The following CYLD variants were observed in gnomAD, a reference collection of about 807,000 sequenced individuals.
The protein encoded by CYLD is ubiquitin carboxyl-terminal hydrolase CYLD.
A neutral mutation model predicts 104.5 loss-of-function variants in CYLD; 26 were observed. The observed-to-expected ratio is 0.25, with a 90% CI of 0.18 to 0.35. The LOEUF (loss-of-function observed/expected upper bound fraction) is 0.35. Among genes scored for constraint, CYLD ranks in the 10% least tolerant of loss-of-function variants. The probability of loss-of-function intolerance (pLI) is 1.00; values close to 1 mark genes in which losing one functional copy is unlikely to be tolerated. For synonymous variants in CYLD, 385 were observed against 399.9 expected, an observed-to-expected ratio of 0.96 and a Z score of 0.45; for missense variants, 703 against 1,136.1, an observed-to-expected ratio of 0.62 and a Z score of 5.48.
Position 50,798,141 on chromosome 16 carries a change from A to T in CYLD, c.*1633A>T, listed in dbSNP as rs1484864072. 4 of 231,314 alleles carry T rather than the reference A, an allele frequency of 1.7e-5. No individual in the cohort carries two copies. The highest frequency in any genetic ancestry group is 3.4e-5 in the Non-Finnish European group (4 of 116,896). The allele number at this position is 231,314 out of a possible 1,614,324, so 14.3% of individuals were successfully genotyped here. Reference sequence around the variant, plus strand: ...GCTCTGACAGCCTAGAAGTCCAATCACCCTGTAATAAATATGTGTTGAATG... The same window carrying T: ...GCTCTGACAGCCTAGAAGTCCAATCTCCCTGTAATAAATATGTGTTGAATG... On this transcript the variant is annotated 3_prime_UTR_variant, in exon 19 of 19. Transcript: ENST00000427738.
At chr16:50,777,491 A>G (rs1969805600) in intron 7 of CYLD, among the ~76,000 whole-genome samples, 1 of 152,180 alleles carries the variant, frequency 6.6e-6, no homozygotes, top group South Asian at 2.1e-4. Context: ...GAAGCTGGAG[A>G]ATGGTGATTT....
At chr16:50,793,512 C>T (rs1339571287) in intron 16 of CYLD, 34 bp from the exon 17 acceptor site, 4 of 1,378,742 alleles carry the variant, frequency 2.9e-6, no homozygotes. Flanking sequence ...TTTTTAAAGT[C>T]CTCTTAACTT....
chr16:50,755,222 T>C (rs1399390395), intron 5 of CYLD, among the ~76,000 whole-genome samples: 1 of 148,388 alleles, frequency 6.7e-6, no homozygotes, highest in Non-Finnish European at 1.5e-5. Flanking sequence ...TACACACGTG[T>C]ACATATGTGT....
chr16:50,782,916 ATTTTTTTTTTTTT>A (rs386384680), intron 11 of CYLD, among the ~76,000 whole-genome samples: 1 of 87,706 alleles, frequency 1.1e-5, no homozygotes. Context: ...ACAACTTAAG[ATTTTTTTTTTTTT>A]TTTTTTTTTT....
At chr16:50,772,352 C>T (rs1204630929) in intron 5 of CYLD, among the ~76,000 whole-genome samples, 1 of 152,140 alleles carries the variant, frequency 6.6e-6, no homozygotes, top group African/African-American at 2.4e-5. Context: ...CTCTACCTTT[C>T]AAAGTCTTCT....
In CYLD at chr16:50,779,770, G is replaced by T. The variant is rs932325918; in HGVS notation, c.1244G>T (p.Arg415Ile). ...GTGAACTCACTGACCACCGAGAACA[G>T]ATTCCACTCTTTACCATTCAGTCTC... ...PPVNSLTTEN[R>I]FHSLPFSLTK... Residue 415 changes from arginine (R) to isoleucine (I), a missense_variant, in exon 9 of 19, where the codon AGA becomes ATA. Arg to Ile is a moderately conservative substitution (Grantham distance 97, BLOSUM62 -3). Around this residue, in one of 5 missense-constraint regions of CYLD, gnomAD observed 183 missense variants for 212.1 expected, o/e 0.86. Coordinates refer to ENST00000427738, the MANE Select transcript of CYLD (RefSeq NM_001378743.1). 1 of 1,613,750 alleles carries T rather than the reference G, an allele frequency of 6.2e-7. No individual in the cohort carries two copies. Among genetic ancestry groups the T allele is most frequent in the Non-Finnish European group, 8.5e-7 (1 of 1,180,006 alleles).
chr16:50,796,655 AC>A lies in CYLD; in HGVS notation c.*148del, dbSNP rs1279912735. On this transcript the variant is annotated 3_prime_UTR_variant, in exon 19 of 19. Coordinates refer to ENST00000427738, the MANE Select transcript of CYLD (RefSeq NM_001378743.1). ...CAGAAAAGGATGCCTCTGTTTAAAAACAAATTGCTTTTGTGTCCCTGAAGTA... is the reference window on the plus strand; with the variant it reads ...CAGAAAAGGATGCCTCTGTTTAAAAAAAATTGCTTTTGTGTCCCTGAAGTA... The A allele has an allele frequency of 2.5e-6, 2 of 815,772 alleles. No homozygotes were observed. Among genetic ancestry groups the A allele is most frequent in the Non-Finnish European group, 4.1e-6 (2 of 490,536 alleles). 50.5% of individuals were successfully genotyped at this position (815,772 alleles called of 1,614,324 possible). A position where few individuals can be genotyped will look rare whatever the true frequency, so the allele number is the denominator to read the frequency against.
chr16:50,749,395 A>T (rs189174651), intron 2 of CYLD, among the ~76,000 whole-genome samples, 181 bp from the exon 3 acceptor site: 79 of 152,342 alleles, frequency 5.2e-4, no homozygotes, highest in African/African-American at 1.8e-3. Flanking sequence ...AAAGTAATAC[A>T]GTATGTATGT....
At chr16:50,749,260 T>G (rs1966439619) in intron 2 of CYLD, among the ~76,000 whole-genome samples, 1 of 152,196 alleles carries the variant, frequency 6.6e-6, no homozygotes, top group Non-Finnish European at 1.5e-5. Context: ...AAGGGTAATC[T>G]TTAAAAGTTT....
intron 8 of CYLD, among the ~76,000 whole-genome samples, 169 bp from the exon 9 acceptor site, chr16:50,779,496 G>T (rs1206612201): frequency 6.6e-6 from 1 of 152,046 alleles, no homozygotes; most frequent in Non-Finnish European, 1.5e-5. Flanking sequence ...GGTGGAGAGA[G>T]GAGCGAGAAC....
In CYLD at chr16:50,750,060, A is replaced by G. The variant is rs1966493394; in HGVS notation, c.362A>G (p.Lys121Arg). The part of the protein sequence containing the change: ...SLFKNRNRLS[K>R]GLQIDVGCPV... ...TTTAAAAACAGAAACAGACTAAGTA[A>G]AGGCCTCCAAATAGACGTGGGCTGT... Residue 121 changes from lysine to arginine, a missense_variant, in exon 3 of 19, where the codon AAA becomes AGA. Lys to Arg is a conservative substitution (Grantham distance 26). This residue lies in a region of CYLD where 142 missense variants were observed against 165.1 expected (regional missense o/e 0.86). Coordinates refer to ENST00000427738, the MANE Select transcript of CYLD (RefSeq NM_001378743.1). 6.2e-7 allele frequency: 1 copy of G among 1,614,036 alleles called. No homozygotes were observed. The highest frequency in any genetic ancestry group is 1.1e-5 in the South Asian group (1 of 91,090).
At chr16:50,743,920 A>C (rs190013838) in intron 2 of CYLD, among the ~76,000 whole-genome samples, 79 of 152,316 alleles carry the variant, frequency 5.2e-4, no homozygotes, top group African/African-American at 1.8e-3. Flanking sequence ...CCAATTCCTG[A>C]GTCTTTTTCT....
chr16:50,786,775 A>C, intron 12 of CYLD, 80 bp from the exon 13 acceptor site: 1 of 1,110,478 alleles, frequency 9.0e-7, no homozygotes, highest in Non-Finnish European at 1.3e-6. Context: ...AAAAAAAAAG[A>C]AAAAAAGAAA....
chr16:50,756,633 A>C (rs1967276158), intron 5 of CYLD, among the ~76,000 whole-genome samples: 1 of 152,212 alleles, frequency 6.6e-6, no homozygotes, highest in Non-Finnish European at 1.5e-5. Context: ...CAATAAAGCC[A>C]ACAGTGGCAG....
intron 13 of CYLD, 62 bp from the exon 14 acceptor site, chr16:50,787,724 G>A: frequency 1.1e-6 from 1 of 897,184 alleles, no homozygotes; most frequent in Non-Finnish European, 1.8e-6. Context: ...TGTTAGAAAT[G>A]AAAAATAAAA....
At chr16:50,791,804 C>T in intron 15 of CYLD, 114 bp downstream of exon 15, 1 of 1,198,044 alleles carries the variant, frequency 8.3e-7, no homozygotes, top group Non-Finnish European at 1.2e-6. Context: ...GAAACACAAA[C>T]TGTTAAGAAA....
chr16:50,760,997 G>A (rs114600456), intron 5 of CYLD, among the ~76,000 whole-genome samples: 1,993 of 152,250 alleles, frequency 0.013, 41 homozygotes, highest in African/African-American at 0.046. Context: ...ATATATTTCA[G>A]TGTATATAAT....
intron 15 of CYLD, 146 bp downstream of exon 15, chr16:50,791,836 A>T (rs751103392): frequency 1.1e-4 from 102 of 938,186 alleles, no homozygotes; most frequent in Middle Eastern, 5.1e-4. Context: ...AAAAGTATGC[A>T]GTGTTTCAAC....
Position 50,754,416 on chromosome 16 carries a change from T to C in CYLD, c.905T>C (p.Ile302Thr). 1 of 1,601,562 alleles carries C rather than the reference T, an allele frequency of 6.2e-7. No individual in the cohort carries two copies. The highest frequency in any genetic ancestry group is 8.6e-7 in the Non-Finnish European group (1 of 1,169,320). The change falls in exon 5 of 19, where the codon ATC becomes ACC. Residue 302 changes from isoleucine to threonine, a missense_variant. Ile to Thr is a moderately conservative substitution (Grantham distance 89, BLOSUM62 -1). This residue lies in a region of CYLD where 123 missense variants were observed against 213.3 expected (regional missense o/e 0.58). Coordinates refer to ENST00000427738, the MANE Select transcript of CYLD (RefSeq NM_001378743.1). ...ESTILLHINDIIPALSESVTQ... is the reference protein window; with the variant it reads ...ESTILLHINDTIPALSESVTQ... ...ACAATTCTATTGCACATCAATGATA[T>C]CATCCCAGGTATGTTTTCTTTGTTT... is the stretch of plus-strand genomic sequence containing the variant.
Sources: gnomAD v4.1 joint callset for allele counts (sites outside exome capture counted in the v4.1 genomes callset) on GRCh38, gnomAD v4.1.1 for gene constraint, gnomAD v4.1.1 regional missense constraint, MANE v1.5 for transcripts, NCBI Gene and HGNC (gene_info 2026-07-23, HGNC 2026-07-21) for gene names.